The following CES2 variants were observed in gnomAD, a reference collection of about 807,000 sequenced individuals.
The protein encoded by CES2 is carboxylesterase 2.
In CES2, 42 loss-of-function variants were observed where a neutral mutation model predicts 52.1. The observed-to-expected ratio is 0.81, with a 90% CI of 0.63 to 1.04. The LOEUF (loss-of-function observed/expected upper bound fraction) is 1.04. Among genes scored for constraint, CES2 ranks in the 50% least tolerant of loss-of-function variants. The probability of loss-of-function intolerance (pLI) is 0.00; values close to 1 mark genes in which losing one functional copy is unlikely to be tolerated. For synonymous variants in CES2, 277 were observed against 289.6 expected (o/e 0.96, Z 0.44); for missense variants, 656 against 724.3 (o/e 0.91, Z 1.08).
chr16:66,941,561 A>G lies in CES2; in HGVS notation c.971A>G (p.Gln324Arg). 1 of 1,614,096 alleles carries G rather than the reference A, an allele frequency of 6.2e-7. No individual in the cohort carries two copies. The highest frequency in any genetic ancestry group is 1.1e-5 in the South Asian group (1 of 91,086). Residue 324 changes from glutamine (Q) to arginine (R), a missense_variant, in exon 7 of 12, where the codon CAG (glutamine) becomes CGG (arginine). Gln to Arg is a conservative substitution (Grantham distance 43). Coordinates refer to ENST00000317091, the MANE Select transcript of CES2 (RefSeq NM_001365405.1). The part of the protein sequence containing the change: ...VDGVFLPRHP[Q>R]ELLASADFQP... ...GGGGTCTTCCTGCCCAGGCACCCCCAGGAGCTGCTGGCCTCTGCCGACTTT... is the reference window on the plus strand; with the variant it reads ...GGGGTCTTCCTGCCCAGGCACCCCCGGGAGCTGCTGGCCTCTGCCGACTTT...
chr16:66,943,983 C>G lies in CES2; in HGVS notation c.1638C>G (p.Ile546Met). 2 of 1,590,560 alleles carry G rather than the reference C, an allele frequency of 1.3e-6. No homozygotes were observed. Among genetic ancestry groups the G allele is most frequent in the Non-Finnish European group, 1.7e-6 (2 of 1,164,748 alleles). The change falls in exon 12 of 12, where the codon ATC (isoleucine) becomes ATG (methionine). Residue 546 changes from isoleucine to methionine, a missense_variant. By Grantham distance (10) the Ile-to-Met change is conservative. Coordinates refer to ENST00000317091, the MANE Select transcript of CES2 (RefSeq NM_001365405.1). This position sits in a 1 kb window ranked among gnomAD's most constrained non-coding sequence, Gnocchi z 4.2. ...GGAAGAAGGCGCTGCCCCAAAAGAT[C>G]CAGGAGCTCGAGGAGCCTGAAGAGA... ...QFWKKALPQKIQELEEPEERH... is the reference protein window; with the variant it reads ...QFWKKALPQKMQELEEPEERH...
rs1350170725 is a variant in CES2, at chr16:66,941,142, G to T, written c.835G>T (p.Ala279Ser). 2 of 1,613,942 alleles carry T rather than the reference G, an allele frequency of 1.2e-6. No homozygotes were observed. Among genetic ancestry groups the T allele is most frequent in the Non-Finnish European group, 1.7e-6 (2 of 1,179,970 alleles). Residue 279 changes from alanine (A) to serine (S), a missense_variant, in exon 6 of 12, where the codon GCC becomes TCC. Physicochemically the swap from Ala to Ser is moderately conservative, Grantham distance 99. Coordinates refer to ENST00000317091, the MANE Select transcript of CES2 (RefSeq NM_001365405.1). The part of the protein sequence containing the change: ...VISTVVANLS[A>S]CDQVDSEALV... ...TTTACAGGTGGTGGCCAACCTGTCTGCCTGTGACCAAGTTGACTCTGAGGC... is the reference window on the plus strand; with the variant it reads ...TTTACAGGTGGTGGCCAACCTGTCTTCCTGTGACCAAGTTGACTCTGAGGC...
At chr16:66,938,290 G>T (rs775608065) in intron 2 of CES2, 49 bp downstream of exon 2, 2 of 1,363,084 alleles carry the variant, frequency 1.5e-6, no homozygotes, top group Non-Finnish European at 2.1e-6. Context: ...GGGCAGGGGT[G>T]GGGGTGCTCT....
Position 66,943,489 on chromosome 16 carries a change from C to T in CES2, c.1493+118C>T, listed in dbSNP as rs1324806076. On this transcript the variant is annotated intron_variant, in intron 11 of 11. Coordinates refer to ENST00000317091, the MANE Select transcript of CES2 (RefSeq NM_001365405.1). The surrounding 1 kb of genome is among the most constrained non-coding windows in gnomAD (Gnocchi z 4.2). ...CCGCATCCTTCATCACATGATGGCC[C>T]CTTCCCCAGCTCCGGGACCCACTCA... 4 of 1,041,860 alleles carry T rather than the reference C, an allele frequency of 3.8e-6. No homozygotes were observed. The highest frequency in any genetic ancestry group is 1.4e-5 in the South Asian group (1 of 70,596). The allele number at this position is 1,041,860 out of a possible 1,614,324, so 64.5% of individuals were successfully genotyped here. A position where few individuals can be genotyped will look rare whatever the true frequency, so the allele number is the denominator to read the frequency against.
At position 66,935,757 on chromosome 16, in the gene CES2, C is replaced by A. The variant is rs757128362; in HGVS notation, c.76+46C>A. 4 of 1,598,184 alleles carry A rather than the reference C, an allele frequency of 2.5e-6. No homozygotes were observed. In the African/African-American group the frequency reaches 5.3e-5, roughly 21 times the overall value. ...CGACAGGGACCGGGCTCAGATCTGC[C>A]AAATGCTGCGGAGGCAGAACCTGAC... On this transcript the variant is annotated intron_variant, in intron 1 of 11. Transcript: ENST00000317091.
chr16:66,938,032 C>A lies in CES2; in HGVS notation c.77-5C>A, dbSNP rs1430868984. ...CAACCGTGATGTCTGTCTCTCTGCC[C>A]ACAGGCCAGGACTCAGCCAGTCCCA... On this transcript the variant is annotated splice_region_variant and splice_polypyrimidine_tract_variant and intron_variant, in intron 1 of 11. Coordinates refer to ENST00000317091, the MANE Select transcript of CES2 (RefSeq NM_001365405.1). 30 of 1,612,292 alleles carry A rather than the reference C, an allele frequency of 1.9e-5. No individual in the cohort carries two copies. Among genetic ancestry groups the A allele is most frequent in the Non-Finnish European group, 2.5e-5 (30 of 1,178,492 alleles).
At position 66,940,532 on chromosome 16, in the gene CES2, A is replaced by T. The variant is rs753414364; in HGVS notation, c.653A>T (p.Asn218Ile). The change falls in exon 5 of 12, where the codon AAC (asparagine) becomes ATC (isoleucine). Residue 218 changes from asparagine (N) to isoleucine (I), a missense_variant. Asn to Ile is a moderately radical substitution (Grantham distance 149, BLOSUM62 -3). Transcript: ENST00000317091. ...CAGAATATCGCCCACTTTGGAGGCAACCCTGACCGTGTCACCATTTTTGGC... is the reference window on the plus strand; with the variant it reads ...CAGAATATCGCCCACTTTGGAGGCATCCCTGACCGTGTCACCATTTTTGGC... ...VQQNIAHFGGNPDRVTIFGES... is the reference protein window; with the variant it reads ...VQQNIAHFGGIPDRVTIFGES... The T allele has an allele frequency of 6.2e-7, 1 of 1,614,204 alleles. No homozygotes were observed. Among genetic ancestry groups the T allele is most frequent in the Non-Finnish European group, 8.5e-7 (1 of 1,180,028 alleles).
At chr16:66,934,529 T>C (rs1258963825), upstream of CES2, 3 of 1,078,546 alleles carry the variant, frequency 2.8e-6, no homozygotes, top group African/African-American at 4.8e-5. This position sits in a 1 kb window ranked among gnomAD's most constrained non-coding sequence, Gnocchi z 4.1. Context: ...ACCGCGGCCC[T>C]GGCTGCTCGG....
chr16:66,940,514 T>C lies in CES2; in HGVS notation c.635T>C (p.Ile212Thr). The C allele has an allele frequency of 1.2e-6, 2 of 1,614,184 alleles. No homozygotes were observed. Among genetic ancestry groups the C allele is most frequent in the Non-Finnish European group, 1.7e-6 (2 of 1,180,020 alleles). ...VAALRWVQQN[I>T]AHFGGNPDRV... ...GCACTACGCTGGGTCCAGCAGAATA[T>C]CGCCCACTTTGGAGGCAACCCTGAC... The change falls in exon 5 of 12, where the codon ATC becomes ACC. Residue 212 changes from isoleucine (I) to threonine (T), a missense_variant. Coordinates refer to ENST00000317091, the MANE Select transcript of CES2 (RefSeq NM_001365405.1).
In CES2 at chr16:66,944,204, C is replaced by A; in HGVS notation, c.*179C>A. ...AAGAATTTACTCAGGCATGATGGCC[C>A]ATACTTGTAATCCCAGCTATTGGGA... On this transcript the variant is annotated 3_prime_UTR_variant, in exon 12 of 12. Transcript: ENST00000317091. The A allele has an allele frequency of 2.3e-6, 1 of 429,682 alleles. No homozygotes were observed. The highest frequency in any genetic ancestry group is 4.1e-6 in the Non-Finnish European group (1 of 241,994). The allele number at this position is 429,682 out of a possible 1,614,324, so 26.6% of individuals were successfully genotyped here.
Position 66,943,546 on chromosome 16 carries a change from C to T in CES2, c.1493+175C>T, listed in dbSNP as rs562357975. 9.3e-5 allele frequency: 61 copies of T among 656,400 alleles called. No individual in the cohort carries two copies. Among genetic ancestry groups the T allele is most frequent in the Non-Finnish European group, 1.2e-4 (47 of 380,958 alleles). The allele number at this position is 656,400 out of a possible 1,614,324, so 40.7% of individuals were successfully genotyped here. On this transcript the variant is annotated intron_variant, in intron 11 of 11. Coordinates refer to ENST00000317091, the MANE Select transcript of CES2 (RefSeq NM_001365405.1). This position sits in a 1 kb window ranked among gnomAD's most constrained non-coding sequence, Gnocchi z 4.2. ...GTGGGGGTGCGTGGGGCAGTGGACACGCTCTATCTCTCCAGTCTACCTGGA... is the reference window on the plus strand; with the variant it reads ...GTGGGGGTGCGTGGGGCAGTGGACATGCTCTATCTCTCCAGTCTACCTGGA...
Position 66,941,094 on chromosome 16 carries a change from T to C in CES2, c.817-30T>C, listed in dbSNP as rs942328149. The C allele has an allele frequency of 2.5e-6, 4 of 1,612,478 alleles. No individual in the cohort carries two copies. The African/African-American group carries it at 4.0e-5, about 16-fold the overall frequency. On this transcript the variant is annotated intron_variant, in intron 5 of 11. Coordinates refer to ENST00000317091, the MANE Select transcript of CES2 (RefSeq NM_001365405.1). ...AACTCCTCTCCTCTACCTGGAAGGA[T>C]GAGCCAGCCCCTGCCTGGTCCCTTT...
intron 5 of CES2, 75 bp downstream of exon 5, chr16:66,940,770 G>T: frequency 1.3e-6 from 2 of 1,536,436 alleles, no homozygotes; most frequent in South Asian, 1.2e-5. Flanking sequence ...TCTGTTAAAC[G>T]GGGATGACAA....
At chr16:66,937,862 C>T (rs1477344770) in intron 1 of CES2, among the ~76,000 whole-genome samples, 175 bp from the exon 2 acceptor site, 2 of 152,150 alleles carry the variant, frequency 1.3e-5, no homozygotes, top group Admixed American at 6.5e-5. Context: ...TGGAGACAGG[C>T]CCAGGAAGCC....
rs374226610 is a variant in CES2 at position 66,941,681 on chromosome 16, A to G, written c.1056+35A>G. ...AACCCAAGCCCACAAGTGCCTGGGG[A>G]GCCCATCTGGTAGTGGGGGGTGTTC... On this transcript the variant is annotated intron_variant, in intron 7 of 11. Coordinates refer to ENST00000317091, the MANE Select transcript of CES2 (RefSeq NM_001365405.1). 250 of 1,613,014 alleles carry G rather than the reference A, an allele frequency of 1.5e-4. 3 individuals are homozygous for G. In the South Asian group the frequency reaches 2.6e-3, roughly 17 times the overall value.
Position 66,941,771 on chromosome 16 carries a change from A to T in CES2, c.1060A>T (p.Met354Leu). The T allele has an allele frequency of 6.2e-7, 1 of 1,614,136 alleles. No homozygotes were observed. Among genetic ancestry groups the T allele is most frequent in the Non-Finnish European group, 8.5e-7 (1 of 1,179,996 alleles). ...AGACTCTCTCCTGGCCATCCAGGTCATGAGGATCTATGATACCCAGAAGGA... is the reference window on the plus strand; with the variant it reads ...AGACTCTCTCCTGGCCATCCAGGTCTTGAGGATCTATGATACCCAGAAGGA... Reference protein sequence around the residue: ...NEFGWLIPKVMRIYDTQKEMD... With the variant: ...NEFGWLIPKVLRIYDTQKEMD... The change falls in exon 8 of 12, where the codon ATG becomes TTG. Residue 354 changes from methionine (M) to leucine (L), a missense_variant. Coordinates refer to ENST00000317091, the MANE Select transcript of CES2 (RefSeq NM_001365405.1).
At chr16:66,935,486 G>T (rs200505222), upstream of CES2, 2 of 1,613,348 alleles carry the variant, frequency 1.2e-6, no homozygotes, top group African/African-American at 1.3e-5. Context: ...CACCTTTCCC[G>T]GCCCAAGCCA....
Position 66,941,146 on chromosome 16 carries a change from G to A in CES2, c.839G>A (p.Cys280Tyr). ...CAGGTGGTGGCCAACCTGTCTGCCT[G>A]TGACCAAGTTGACTCTGAGGCCCTG... is the stretch of plus-strand genomic sequence containing the variant. ...ISTVVANLSA[C>Y]DQVDSEALVG... is the part of the protein sequence containing the mutation. Residue 280 changes from cysteine (C) to tyrosine (Y), a missense_variant, in exon 6 of 12, where the codon TGT becomes TAT. Transcript: ENST00000317091. 1.9e-6 allele frequency: 3 copies of A among 1,614,096 alleles called. No homozygotes were observed. Among genetic ancestry groups the A allele is most frequent in the Non-Finnish European group, 2.5e-6 (3 of 1,179,966 alleles).
At chr16:66,935,122 G>T (rs960303611), upstream of CES2, 12 of 289,302 alleles carry the variant, frequency 4.1e-5, no homozygotes, top group Non-Finnish European at 7.2e-5. Context: ...AATGAAGGGC[G>T]CCGACACTCC....
Sources: allele counts gnomAD v4.1 joint callset (sites outside exome capture counted in the v4.1 genomes callset), GRCh38; gene constraint gnomAD v4.1.1; non-coding constraint Gnocchi (gnomAD v3.1); transcripts MANE v1.5; gene names NCBI Gene and HGNC (gene_info 2026-07-23, HGNC 2026-07-21).